CWF19L1: variants seen among roughly 807,000 people sequenced by gnomAD.
The protein encoded by CWF19L1 is CWF19-like protein 1.
CWF19L1 carries 60 observed loss-of-function variants against 69.7 expected under a neutral mutation model. The observed-to-expected ratio is 0.86, with a 90% CI of 0.70 to 1.07. CWF19L1 has a LOEUF of 1.07. Among genes scored for constraint, CWF19L1 ranks in the 50% least tolerant of loss-of-function variants. CWF19L1 has a pLI of 0.00. For missense variants in CWF19L1, 591 were observed against 638.9 expected (o/e 0.92, Z 0.81); for synonymous variants, 209 against 222.2 (o/e 0.94, Z 0.53).
At chr10:100,246,563 C>T (rs1431342013) in intron 8 of CWF19L1, among the ~76,000 whole-genome samples, 6 of 152,150 alleles carry the variant, frequency 3.9e-5, no homozygotes, top group African/African-American at 7.2e-5. Context: ...TAACCCCAAA[C>T]GTCTGAATCC....
intron 10 of CWF19L1, among the ~76,000 whole-genome samples, chr10:100,240,157 C>T (rs1031996858): frequency 4.6e-5 from 7 of 152,178 alleles, no homozygotes; most frequent in Admixed American, 1.3e-4. Flanking sequence ...CTAGAATTAT[C>T]TCTAACCATG....
In CWF19L1 at chr10:100,244,985, G is replaced by A. The variant is rs1355634245; in HGVS notation, c.964+814C>T. 2.0e-5 allele frequency among the ~76,000 whole-genome samples: 3 copies of A among 151,688 alleles called. No individual in the cohort carries two copies. In the East Asian group the frequency reaches 5.8e-4, roughly 29 times the overall value. ...ATAATTCTAGATAAAAATTCATAAA[G>A]CTCTAGTTTCTGAATCTGAAGCTAT... On this transcript the variant is annotated intron_variant, in intron 9 of 13. Transcript: ENST00000354105.
In CWF19L1 at chr10:100,264,317, G is replaced by A. The variant is rs532308248; in HGVS notation, c.24-2254C>T. 2.9e-3 allele frequency among the ~76,000 whole-genome samples: 446 copies of A among 151,880 alleles called. 4 individuals are homozygous for A. Among genetic ancestry groups the A allele is most frequent in the African/African-American group, 0.01 (433 of 41,448 alleles). On this transcript the variant is annotated intron_variant, in intron 1 of 13. Coordinates refer to ENST00000354105, the MANE Select transcript of CWF19L1 (RefSeq NM_018294.6). The stretch of plus-strand genomic sequence containing the variant: ...TCCCAGCACTTTGGGAGGCCAAGGC[G>A]AGCGGATCACAAGGTCAGGAGCTCG...
intron 11 of CWF19L1, chr10:100,237,300 A>G (rs1304579831): frequency 1.9e-6 from 1 of 525,882 alleles, no homozygotes; most frequent in Admixed American, 2.1e-5. Context: ...AACCACCACA[A>G]CTACAAATGA....
At chr10:100,263,692 C>T (rs1291704475) in intron 1 of CWF19L1, among the ~76,000 whole-genome samples, 1 of 152,198 alleles carries the variant, frequency 6.6e-6, no homozygotes, top group African/African-American at 2.4e-5. Context: ...TTCCACTGTT[C>T]TCTATCCCAC....
At chr10:100,260,402 C>T (rs1847360215) in intron 3 of CWF19L1, 83 bp from the exon 4 acceptor site, 1 of 734,006 alleles carries the variant, frequency 1.4e-6, no homozygotes, top group African/African-American at 1.8e-5. Flanking sequence ...AGAAAAAATA[C>T]TTATATTAAA....
intron 1 of CWF19L1, 133 bp downstream of exon 1, chr10:100,267,438 A>G (rs1184514868): frequency 1.9e-6 from 3 of 1,575,968 alleles, no homozygotes; most frequent in Non-Finnish European, 2.6e-6. Flanking sequence ...ACATCACCTA[A>G]GCTCCCCAGC....
chr10:100,266,466 G>A (rs1847587526), intron 1 of CWF19L1, among the ~76,000 whole-genome samples: 1 of 151,866 alleles, frequency 6.6e-6, no homozygotes, highest in South Asian at 2.1e-4. Flanking sequence ...TGGGATTATA[G>A]GCGTGAGCCA....
intron 13 of CWF19L1, among the ~76,000 whole-genome samples, chr10:100,234,350 T>C (rs1846364773): frequency 6.6e-6 from 1 of 152,222 alleles, no homozygotes; most frequent in Non-Finnish European, 1.5e-5. Context: ...AACTATAAAT[T>C]AGTATCTTGA....
At chr10:100,237,901 G>A (rs556702509) in intron 11 of CWF19L1, 121 bp downstream of exon 11, 64 of 876,486 alleles carry the variant, frequency 7.3e-5, no homozygotes, top group Middle Eastern at 3.1e-4. Context: ...CAACCGCTTC[G>A]GCCTCCCAAA....
At chr10:100,242,925 G>A (rs1410117510) in intron 10 of CWF19L1, among the ~76,000 whole-genome samples, 1 of 152,168 alleles carries the variant, frequency 6.6e-6, no homozygotes, top group Middle Eastern at 3.2e-3. Context: ...ATTTATGAGA[G>A]AGGAAAAGAG....
chr10:100,234,446 C>T (rs957185755), intron 13 of CWF19L1, among the ~76,000 whole-genome samples: 3 of 152,192 alleles, frequency 2.0e-5, no homozygotes, highest in Non-Finnish European at 4.4e-5. Flanking sequence ...CTATGTGTAT[C>T]TGCAATCGTG....
chr10:100,265,937 G>A (rs1847566286), intron 1 of CWF19L1, among the ~76,000 whole-genome samples: 1 of 152,142 alleles, frequency 6.6e-6, no homozygotes, highest in Non-Finnish European at 1.5e-5. Context: ...TTTAGCCTAG[G>A]TGTACAGGAA....
At chr10:100,252,018 G>C (rs918385016) in intron 6 of CWF19L1, among the ~76,000 whole-genome samples, 1 of 152,128 alleles carries the variant, frequency 6.6e-6, no homozygotes, top group Non-Finnish European at 1.5e-5. Context: ...TATGGTAAGG[G>C]GGGTATTCTC....
chr10:100,252,491 T>TA lies in CWF19L1; in HGVS notation c.623+929dup, dbSNP rs558768472. Among the ~76,000 whole-genome samples, 100 of 149,572 alleles carry TA rather than the reference T, an allele frequency of 6.7e-4. 1 individual carries two copies. The highest frequency in any genetic ancestry group is 2.4e-3 in the African/African-American group (97 of 40,666). On this transcript the variant is annotated intron_variant, in intron 6 of 13. Coordinates refer to ENST00000354105, the MANE Select transcript of CWF19L1 (RefSeq NM_018294.6). ...TATGCTACTATGTACCCCCAAAAAT[T>TA]AAAAAAATAAAAACTCCACCTCTGA... is the stretch of plus-strand genomic sequence containing the variant.
At chr10:100,247,460 A>G (rs1846864305) in intron 7 of CWF19L1, among the ~76,000 whole-genome samples, 1 of 152,266 alleles carries the variant, frequency 6.6e-6, no homozygotes. Flanking sequence ...TCATATAAAT[A>G]TTTGGAATCT....
intron 7 of CWF19L1, among the ~76,000 whole-genome samples, chr10:100,247,556 GTAACAATTATATATCA>G (rs1329470950): frequency 6.6e-6 from 1 of 152,158 alleles, no homozygotes; most frequent in East Asian, 1.9e-4. Context: ...ATGCAACTAA[GTAACAATTATATATCA>G]TTTATCACAT....
At position 100,250,348 on chromosome 10, in the gene CWF19L1, G is replaced by A. The variant is rs752692519; in HGVS notation, c.624-16C>T. On this transcript the variant is annotated splice_polypyrimidine_tract_variant and intron_variant, in intron 6 of 13. Coordinates refer to ENST00000354105, the MANE Select transcript of CWF19L1 (RefSeq NM_018294.6). ...GATATGGTTTCTACAACATATTTGA[G>A]AGACAAAAAATTGCAAACAATTTTA... 18 of 1,562,522 alleles carry A rather than the reference G, an allele frequency of 1.2e-5. No homozygotes were observed. The highest frequency in any genetic ancestry group is 1.4e-5 in the African/African-American group (1 of 73,898).
At chr10:100,242,072 C>T (rs185428884) in intron 10 of CWF19L1, among the ~76,000 whole-genome samples, 27 of 152,272 alleles carry the variant, frequency 1.8e-4, no homozygotes, top group Non-Finnish European at 2.9e-4. Flanking sequence ...TAATCCAGCC[C>T]TACCCAAGCA....
Sources: gnomAD v4.1 joint callset for allele counts (sites outside exome capture counted in the v4.1 genomes callset) on GRCh38, gnomAD v4.1.1 for gene constraint, MANE v1.5 for transcripts, NCBI Gene and HGNC (gene_info 2026-07-23, HGNC 2026-07-21) for gene names.